Variants in PRPSAP2 observed in about 807,000 individuals in gnomAD.
PRPSAP2 encodes the protein phosphoribosyl pyrophosphate synthetase associated protein 2, also known as phosphoribosyl pyrophosphate synthase-associated protein 2.
PRPSAP2 carries 24 observed loss-of-function variants against 40.6 expected under a neutral mutation model. That is an observed-to-expected ratio of 0.59 (90% CI 0.43 to 0.83). The LOEUF is 0.83. PRPSAP2 is among the 40% of genes least tolerant of loss of function. PRPSAP2 has a pLI of 0.00. For missense variants in PRPSAP2, 292 were observed against 465.6 expected (o/e 0.63, Z 3.43); for synonymous variants, 149 against 164.7 (o/e 0.90, Z 0.73).
intron 7 of PRPSAP2, among the ~76,000 whole-genome samples, chr17:18,888,778 C>T (rs1383359358): frequency 2.0e-4 from 7 of 35,654 alleles, no homozygotes; most frequent in African/African-American, 8.3e-4. Context: ...CCCTCGCGGA[C>T]GGGGCGGCTG....
At chr17:18,866,835 C>T (rs2037467357) in intron 3 of PRPSAP2, among the ~76,000 whole-genome samples, 1 of 152,106 alleles carries the variant, frequency 6.6e-6, no homozygotes, top group Non-Finnish European at 1.5e-5. Flanking sequence ...AATGATGGGG[C>T]AGGTTGTTCT....
intron 8 of PRPSAP2, among the ~76,000 whole-genome samples, chr17:18,892,526 G>A (rs1196519109): frequency 6.6e-6 from 1 of 150,986 alleles, no homozygotes; most frequent in African/African-American, 2.4e-5. Context: ...TCATCCTAGT[G>A]GGTGTGAAAT....
intron 8 of PRPSAP2, among the ~76,000 whole-genome samples, chr17:18,902,654 G>A (rs901922639): frequency 1.3e-5 from 2 of 151,970 alleles, no homozygotes; most frequent in African/African-American, 4.8e-5. Flanking sequence ...TGGATCACTT[G>A]AGGTCAGGAG....
At chr17:18,930,497 C>T (rs1634411) in intron 11 of PRPSAP2, 43 bp from the exon 12 acceptor site, 545,421 of 1,582,966 alleles carry the variant, frequency 0.34, 98,454 homozygotes, top group Non-Finnish European at 0.38. Context: ...CATGAAGCTA[C>T]TTGGCTTTCT....
intron 5 of PRPSAP2, among the ~76,000 whole-genome samples, chr17:18,874,564 G>A (rs1004424103): frequency 6.6e-6 from 1 of 152,194 alleles, no homozygotes. Context: ...ACCTGTCCTT[G>A]CATCCTATAG....
chr17:18,906,994 G>C (rs1480067238), intron 8 of PRPSAP2, among the ~76,000 whole-genome samples: 1 of 151,726 alleles, frequency 6.6e-6, no homozygotes, highest in Non-Finnish European at 1.5e-5. Flanking sequence ...CTAGTGCCCT[G>C]CTCTTCATAT....
intron 8 of PRPSAP2, among the ~76,000 whole-genome samples, chr17:18,892,653 T>G (rs1368284873): frequency 6.6e-6 from 1 of 150,544 alleles, no homozygotes; most frequent in Non-Finnish European, 1.5e-5. Context: ...GCTCAAACTC[T>G]TGGGCTCAAT....
chr17:18,908,538 G>A (rs140476045), intron 8 of PRPSAP2: 12 of 750,794 alleles, frequency 1.6e-5, no homozygotes, highest in Non-Finnish European at 2.7e-5. Flanking sequence ...CTCCTCATGC[G>A]GAGGGACAAG....
chr17:18,908,597 A>G, intron 8 of PRPSAP2: 1 of 726,214 alleles, frequency 1.4e-6, no homozygotes, highest in Non-Finnish European at 2.6e-6. Context: ...ATGGAGCTGA[A>G]GCCCAACATG....
intron 3 of PRPSAP2, among the ~76,000 whole-genome samples, chr17:18,866,207 TG>T (rs2037414302): frequency 6.6e-6 from 1 of 152,138 alleles, no homozygotes; most frequent in Non-Finnish European, 1.5e-5. Flanking sequence ...AGACATTTAT[TG>T]AGTGCCTTAT....
intron 5 of PRPSAP2, among the ~76,000 whole-genome samples, chr17:18,875,895 G>C (rs919251071): frequency 6.6e-6 from 1 of 151,372 alleles, no homozygotes; most frequent in East Asian, 1.9e-4. Flanking sequence ...CACTTTGGGA[G>C]GCCCCAGGCG....
intron 8 of PRPSAP2, among the ~76,000 whole-genome samples, chr17:18,895,598 T>G (rs1229983367): frequency 6.6e-6 from 1 of 151,594 alleles, no homozygotes; most frequent in Non-Finnish European, 1.5e-5. Context: ...TTAAAAAAAC[T>G]TATTACTTTA....
At chr17:18,873,610 C>A (rs1161418299) in intron 5 of PRPSAP2, among the ~76,000 whole-genome samples, 1 of 152,192 alleles carries the variant, frequency 6.6e-6, no homozygotes, top group Non-Finnish European at 1.5e-5. Flanking sequence ...TCCCTCCTCT[C>A]CCCAAAAGAA....
intron 9 of PRPSAP2, among the ~76,000 whole-genome samples, chr17:18,921,890 A>G (rs576353710): frequency 6.6e-6 from 1 of 152,232 alleles, no homozygotes; most frequent in Admixed American, 6.5e-5. Context: ...CTTTCAGTAT[A>G]TTCACAGTTT....
chr17:18,899,273 A>G (rs941616657), intron 8 of PRPSAP2, among the ~76,000 whole-genome samples: 1 of 151,826 alleles, frequency 6.6e-6, no homozygotes, highest in Non-Finnish European at 1.5e-5. Context: ...TTTATTTTTT[A>G]GTGGGTCTCA....
intron 7 of PRPSAP2, among the ~76,000 whole-genome samples, chr17:18,887,315 A>C (rs2039238673): frequency 1.3e-5 from 2 of 151,958 alleles, no homozygotes; most frequent in Non-Finnish European, 2.9e-5. Context: ...AAATGGGTTC[A>C]AACAATTCTC....
At chr17:18,859,959 T>G (rs2036880585) in intron 1 of PRPSAP2, among the ~76,000 whole-genome samples, 1 of 152,168 alleles carries the variant, frequency 6.6e-6, no homozygotes, top group African/African-American at 2.4e-5. Flanking sequence ...TTTGTCAGGT[T>G]GGTCTCAAAC....
intron 9 of PRPSAP2, among the ~76,000 whole-genome samples, chr17:18,921,675 GGCCAAACATGCT>G (rs1484210368): frequency 1.7e-4 from 26 of 152,212 alleles, no homozygotes; most frequent in Middle Eastern, 3.4e-3. Context: ...AGTGAGTAGA[GGCCAAACATGCT>G]GCTAAACTTC....
chr17:18,885,629 C>T (rs2151914963), intron 7 of PRPSAP2, among the ~76,000 whole-genome samples: 1 of 151,742 alleles, frequency 6.6e-6, no homozygotes, highest in Admixed American at 6.6e-5. Flanking sequence ...CTCTTGTTGC[C>T]CAGGCTGGAG....
Sources: allele counts gnomAD v4.1 joint callset (sites outside exome capture counted in the v4.1 genomes callset), GRCh38; gene constraint gnomAD v4.1.1; transcripts MANE v1.5; gene names NCBI Gene and HGNC (gene_info 2026-07-23, HGNC 2026-07-21).